Variants in COL5A3 observed in about 807,000 individuals in gnomAD.
The protein encoded by COL5A3 is collagen alpha-3(V) chain.
Under a neutral mutation model 250.0 loss-of-function variants are expected in COL5A3, and 172 were observed. That is an observed-to-expected ratio of 0.69 (90% CI 0.61 to 0.78). The LOEUF (loss-of-function observed/expected upper bound fraction) is 0.78. COL5A3 is among the 30% of genes least tolerant of loss of function. The pLI is 0.00. For synonymous variants in COL5A3, 937 were observed against 900.4 expected (o/e 1.04, Z -0.73); for missense variants, 2,340 against 2,334.4 (o/e 1.00, Z -0.05).
intron 61 of COL5A3, 47 bp from the exon 62 acceptor site, chr19:9,967,447 CT>C: frequency 7.2e-7 from 1 of 1,379,326 alleles, no homozygotes; most frequent in South Asian, 1.4e-5. Flanking sequence ...TATGGAGACC[CT>C]TCCCACCAAC....
chr19:9,979,858 GGGTGCCCT>G lies in COL5A3; in HGVS notation c.2685_2692del (p.Gly896TrpfsTer35). On this transcript the variant is annotated frameshift_variant, in exon 37 of 67. Transcript: ENST00000264828. LOFTEE classifies it high-confidence loss of function. ...ACTCACCAGTTCTCCTCTCTGTCCA[GGGTGCCCT>G]GGTCGCCCATCTTTACCTTGGTGAC... is the stretch of plus-strand genomic sequence containing the variant. 1 of 1,578,516 alleles carries G rather than the reference GGGTGCCCT, an allele frequency of 6.3e-7. No homozygotes were observed. The highest frequency in any genetic ancestry group is 8.5e-7 in the Non-Finnish European group (1 of 1,169,938).
chr19:10,000,452 C>CTTTTTTTTTTTTTTT (rs576119335), intron 8 of COL5A3, among the ~76,000 whole-genome samples: 7 of 62,762 alleles, frequency 1.1e-4, no homozygotes, highest in Non-Finnish European at 2.0e-4. Context: ...CCAGAGAGCT[C>CTTTTTTTTTTTTTTT]TTTTTTTTTT....
chr19:9,983,591 A>C (rs2087047267), intron 31 of COL5A3, among the ~76,000 whole-genome samples: 1 of 88,640 alleles, frequency 1.1e-5, no homozygotes, highest in Non-Finnish European at 2.3e-5. Flanking sequence ...AAAGAAAGAA[A>C]GAAAGAAAGA....
Position 9,960,882 on chromosome 19 carries a change from G to A in COL5A3, c.4860C>T (p.Tyr1620=), listed in dbSNP as rs113230656. 220 of 1,604,862 alleles carry A rather than the reference G, an allele frequency of 1.4e-4. No individual in the cohort carries two copies. In the African/African-American group the frequency reaches 2.1e-3, roughly 15 times the overall value. The part of the protein sequence containing the change: ...STFRRGKKFS[Y]VDADGSPVNV... ...TCACTGGGGACCCGTCGGCGTCCAC[G>A]TAGGAGAACTGGTGAGAGGAGGGCA... Residue 1620 remains tyrosine (Y), a synonymous_variant, in exon 66 of 67, where the codon TAC becomes TAT. Coordinates refer to ENST00000264828, the MANE Select transcript of COL5A3 (RefSeq NM_015719.4).
chr19:9,996,638 G>A lies in COL5A3; in HGVS notation c.1315C>T (p.Pro439Ser). 6.2e-7 allele frequency: 1 copy of A among 1,613,448 alleles called. No individual in the cohort carries two copies. The highest frequency in any genetic ancestry group is 8.5e-7 in the Non-Finnish European group (1 of 1,179,810). Residue 439 changes from proline (P) to serine (S), a missense_variant, in exon 12 of 67, where the codon CCG becomes TCG. Transcript: ENST00000264828. ...ACCGGCATCATGATCACAGTGCCCGGTGGGCCTCGGATCCCATCAATGCCG... is the reference window on the plus strand; with the variant it reads ...ACCGGCATCATGATCACAGTGCCCGATGGGCCTCGGATCCCATCAATGCCG... ...IPGIDGIRGP[P>S]GTVIMMPFQF...
At chr19:9,988,870 A>G (rs1275287591) in intron 27 of COL5A3, among the ~76,000 whole-genome samples, 1 of 145,742 alleles carries the variant, frequency 6.9e-6, no homozygotes, top group African/African-American at 2.5e-5. Flanking sequence ...AAAGTAAAGA[A>G]AAGAAAAGGA....
intron 52 of COL5A3, 26 bp from the exon 53 acceptor site, chr19:9,971,054 G>A: frequency 1.3e-6 from 2 of 1,494,114 alleles, no homozygotes; most frequent in South Asian, 1.4e-5. Flanking sequence ...ACAGAGTTGG[G>A]AGGGGTGATG....
At chr19:9,985,722 A>T (rs929595149) in intron 31 of COL5A3, 120 bp downstream of exon 31, 25 of 883,278 alleles carry the variant, frequency 2.8e-5, no homozygotes, top group Non-Finnish European at 4.1e-5. Context: ...CACATTTTAC[A>T]TTCTCTCAGT....
At chr19:9,967,050 G>A (rs905460292) in intron 62 of COL5A3, among the ~76,000 whole-genome samples, 2 of 148,024 alleles carry the variant, frequency 1.4e-5, no homozygotes, top group South Asian at 4.7e-4. Context: ...AAATAGTGGC[G>A]CCAGTATAGA....
Position 9,993,367 on chromosome 19 carries a change from C to A in COL5A3, c.1749+13G>T, listed in dbSNP as rs1170005136. On this transcript the variant is annotated intron_variant, in intron 19 of 66. Transcript: ENST00000264828. ...ACTTTCCAAACCAGGCCCTAACTCT[C>A]TTCCAAACTTACCCTCTCACCATCC... 1 of 1,614,054 alleles carries A rather than the reference C, an allele frequency of 6.2e-7. No homozygotes were observed. Among genetic ancestry groups the A allele is most frequent in the Admixed American group, 1.7e-5 (1 of 60,018 alleles).
chr19:9,988,139 C>T (rs532431153), intron 27 of COL5A3, among the ~76,000 whole-genome samples: 37 of 152,138 alleles, frequency 2.4e-4, no homozygotes, highest in African/African-American at 1.7e-4. Flanking sequence ...GAGGCTGAGG[C>T]GGGAGAATCG....
chr19:10,006,396 A>AC (rs928339673), intron 1 of COL5A3, among the ~76,000 whole-genome samples, 165 bp from the exon 2 acceptor site: 39 of 148,766 alleles, frequency 2.6e-4, no homozygotes, highest in Admixed American at 2.5e-3. Context: ...GGCCCCCAGC[A>AC]CCCCCCGCCT....
chr19:9,976,713 A>G, intron 44 of COL5A3, 102 bp from the exon 45 acceptor site: 1 of 844,092 alleles, frequency 1.2e-6, no homozygotes, highest in Non-Finnish European at 1.8e-6. Context: ...TTATGAGAAC[A>G]ACTTCCCCTA....
At chr19:9,976,366 T>A (rs1321173549) in intron 45 of COL5A3, among the ~76,000 whole-genome samples, 192 bp downstream of exon 45, 1 of 150,072 alleles carries the variant, frequency 6.7e-6, no homozygotes, top group East Asian at 2.1e-4. Flanking sequence ...GTGTCGGTAT[T>A]GAGGGGACAA....
chr19:9,986,161 T>C (rs1444355853), intron 30 of COL5A3, among the ~76,000 whole-genome samples, 154 bp downstream of exon 30: 1 of 152,140 alleles, frequency 6.6e-6, no homozygotes, highest in East Asian at 1.9e-4. Flanking sequence ...GTTGCATGCA[T>C]TAAATTGCTC....
intron 1 of COL5A3, among the ~76,000 whole-genome samples, chr19:10,007,374 C>G (rs544812681): frequency 9.8e-5 from 15 of 152,350 alleles, no homozygotes; most frequent in African/African-American, 3.6e-4. Context: ...CTCCAGACCT[C>G]CCCTGTCTGA....
At position 9,993,561 on chromosome 19, in the gene COL5A3, G is replaced by C. The variant is rs544303787; in HGVS notation, c.1695+58C>G. ...ACTCTGATACTGAGGGAGAAGTTGG[G>C]GGGGCTTGAATATTGGGAGGAGGGC... On this transcript the variant is annotated intron_variant, in intron 18 of 66. Coordinates refer to ENST00000264828, the MANE Select transcript of COL5A3 (RefSeq NM_015719.4). The C allele has an allele frequency of 7.1e-4, 1,135 of 1,596,138 alleles. 1 individual carries two copies. Among genetic ancestry groups the C allele is most frequent in the Admixed American group, 1.8e-3 (105 of 59,964 alleles).
chr19:9,962,932 C>T (rs1011588597), intron 64 of COL5A3, 45 bp from the exon 65 acceptor site: 2 of 1,393,614 alleles, frequency 1.4e-6, no homozygotes, highest in African/African-American at 1.4e-5. Context: ...GCCCTTGGTG[C>T]CATCTAGATC....
chr19:9,960,916 G>T (rs773794228), intron 65 of COL5A3, 26 bp from the exon 66 acceptor site: 7 of 1,596,798 alleles, frequency 4.4e-6, no homozygotes, highest in Admixed American at 1.7e-5. Context: ...CAAGGCAGAG[G>T]ATGAGGGGCT....
Sources: gnomAD v4.1 joint callset for allele counts (sites outside exome capture counted in the v4.1 genomes callset) on GRCh38, gnomAD v4.1.1 for gene constraint, MANE v1.5 for transcripts, NCBI Gene and HGNC (gene_info 2026-07-23, HGNC 2026-07-21) for gene names.